FSTL5: variants seen among roughly 807,000 people sequenced by gnomAD.
FSTL5 encodes the protein follistatin-related protein 5.
A neutral mutation model predicts 89.1 loss-of-function variants in FSTL5; 62 were observed. The observed-to-expected ratio is 0.70, with a 90% CI of 0.57 to 0.86. The LOEUF (loss-of-function observed/expected upper bound fraction) is 0.86. Among genes scored for constraint, FSTL5 ranks in the 40% least tolerant of loss-of-function variants. The pLI, the probability that FSTL5 is intolerant of heterozygous loss-of-function variation, is 0.00. For synonymous variants in FSTL5, 383 were observed against 346.2 expected, an observed-to-expected ratio of 1.11 and a Z score of -1.18; for missense variants, 1,057 against 1,001.6, an observed-to-expected ratio of 1.06 and a Z score of -0.75.
intron 4 of FSTL5, among the ~76,000 whole-genome samples, chr4:161,846,783 T>C (rs986217138): frequency 6.6e-6 from 1 of 152,162 alleles, no homozygotes; most frequent in African/African-American, 2.4e-5. Context: ...TATTATCTGC[T>C]CCAGGACCAT....
At chr4:161,935,362 C>A (rs149468747) in intron 3 of FSTL5, among the ~76,000 whole-genome samples, 1 of 152,208 alleles carries the variant, frequency 6.6e-6, no homozygotes, top group East Asian at 1.9e-4. Context: ...TGCCTTTCCT[C>A]AACAATGGGT....
chr4:161,904,534 G>C (rs953873488), intron 4 of FSTL5, among the ~76,000 whole-genome samples: 1 of 151,734 alleles, frequency 6.6e-6, no homozygotes, highest in African/African-American at 2.4e-5. Flanking sequence ...AACCACACTG[G>C]AAGTGTACAA....
At chr4:161,463,862 A>G (rs1016368134) in intron 13 of FSTL5, among the ~76,000 whole-genome samples, 3 of 152,170 alleles carry the variant, frequency 2.0e-5, no homozygotes, top group African/African-American at 7.2e-5. Context: ...AATTGAATCT[A>G]CCTTCTAAAT....
intron 15 of FSTL5, among the ~76,000 whole-genome samples, chr4:161,452,580 C>T (rs1233280253): frequency 1.3e-5 from 2 of 151,980 alleles, no homozygotes; most frequent in East Asian, 1.9e-4. Flanking sequence ...GTTAAAACTA[C>T]CTTACATAGT....
At chr4:161,688,187 A>G (rs1579022233) in intron 6 of FSTL5, among the ~76,000 whole-genome samples, 3 of 152,116 alleles carry the variant, frequency 2.0e-5, no homozygotes, top group Non-Finnish European at 4.4e-5. Context: ...TGCTCAAGTG[A>G]TCCTGCCACC....
At chr4:161,595,558 C>T (rs1345723160) in intron 7 of FSTL5, among the ~76,000 whole-genome samples, 1 of 152,018 alleles carries the variant, frequency 6.6e-6, no homozygotes, top group African/African-American at 2.4e-5. Flanking sequence ...GAAGAAAGAA[C>T]ATCTGTAGCA....
chr4:161,969,808 T>A (rs1303018295), intron 3 of FSTL5, among the ~76,000 whole-genome samples: 3 of 151,924 alleles, frequency 2.0e-5, no homozygotes, highest in Non-Finnish European at 4.4e-5. Context: ...CCCCAATCTT[T>A]AAAAAAATGA....
At chr4:161,658,476 G>A (rs999464923) in intron 6 of FSTL5, among the ~76,000 whole-genome samples, 45 of 151,612 alleles carry the variant, frequency 3.0e-4, no homozygotes, top group Non-Finnish European at 5.2e-4. Context: ...AAAAAATAGG[G>A]AATATTTTCG....
chr4:161,921,124 GTTAGCT>G (rs1733983258), intron 3 of FSTL5, among the ~76,000 whole-genome samples: 1 of 152,156 alleles, frequency 6.6e-6, no homozygotes, highest in Admixed American at 6.6e-5. Context: ...TTCCATAAAT[GTTAGCT>G]TTTACAGTAA....
chr4:162,009,979 TAA>T (rs200387858), intron 3 of FSTL5, among the ~76,000 whole-genome samples: 46 of 142,918 alleles, frequency 3.2e-4, no homozygotes, highest in Non-Finnish European at 2.9e-4. Context: ...GTTTGTTTTG[TAA>T]AAAAAAAAAA....
chr4:161,680,770 G>A (rs988249004), intron 6 of FSTL5, among the ~76,000 whole-genome samples: 1 of 151,778 alleles, frequency 6.6e-6, no homozygotes, highest in Non-Finnish European at 1.5e-5. Flanking sequence ...CATTTGTCAA[G>A]TAACAAATTT....
rs71598742 is a variant in FSTL5 at position 162,112,775 on chromosome 4, TCACACACACA to T, written c.-16-1373_-16-1364del. Among the ~76,000 whole-genome samples, 171 of 139,424 alleles carry T rather than the reference TCACACACACA, an allele frequency of 1.2e-3. 1 individual carries two copies. The highest frequency in any genetic ancestry group is 3.5e-3 in the African/African-American group (133 of 37,934). The allele number at this position is 139,424 out of a possible 152,430, so 91.5% of individuals were successfully genotyped here. On this transcript the variant is annotated intron_variant, in intron 1 of 15. Transcript: ENST00000306100. ...GCTTTCTCAAAGCTAACCGACACAATCACACACACACACACACACACACACACACACACAC... is the reference window on the plus strand; with the variant it reads ...GCTTTCTCAAAGCTAACCGACACAATCACACACACACACACACACACACAC...
intron 13 of FSTL5, among the ~76,000 whole-genome samples, chr4:161,480,606 T>C (rs1729468120): frequency 6.6e-6 from 1 of 152,236 alleles, no homozygotes. Flanking sequence ...TGTCATCTAG[T>C]GAAGCCTACA....
intron 12 of FSTL5, among the ~76,000 whole-genome samples, chr4:161,486,932 G>T (rs1433334084): frequency 6.6e-6 from 1 of 152,062 alleles, no homozygotes; most frequent in East Asian, 1.9e-4. Context: ...TTCATGAAAA[G>T]AAAAGATTTT....
At position 161,385,452 on chromosome 4, in the gene FSTL5, G is replaced by GT; in HGVS notation, c.*294dup. On this transcript the variant is annotated 3_prime_UTR_variant, in exon 16 of 16. Coordinates refer to ENST00000306100, the MANE Select transcript of FSTL5 (RefSeq NM_020116.5). ...GTCATCTGAAATTCCCTGCAGTTTA[G>GT]TTTTTTAAATGATTTAAATCCTACT... is the stretch of plus-strand genomic sequence containing the variant. 3.8e-6 allele frequency: 1 copy of GT among 266,576 alleles called. No homozygotes were observed. Among genetic ancestry groups the GT allele is most frequent in the East Asian group, 7.4e-5 (1 of 13,492 alleles). 16.5% of individuals were successfully genotyped at this position (266,576 alleles called of 1,614,324 possible).
At chr4:162,098,480 A>T (rs912873100) in intron 2 of FSTL5, among the ~76,000 whole-genome samples, 1 of 152,042 alleles carries the variant, frequency 6.6e-6, no homozygotes, top group African/African-American at 2.4e-5. Flanking sequence ...CCATTGTATA[A>T]AAAATATTGG....
chr4:161,466,055 A>T (rs911259776), intron 13 of FSTL5, among the ~76,000 whole-genome samples: 2 of 152,166 alleles, frequency 1.3e-5, no homozygotes, highest in Non-Finnish European at 2.9e-5. Context: ...TGAACTTTTT[A>T]CCCTATTGCT....
intron 4 of FSTL5, among the ~76,000 whole-genome samples, chr4:161,884,009 A>G (rs1041659695): frequency 2.6e-5 from 4 of 151,880 alleles, no homozygotes; most frequent in Non-Finnish European, 4.4e-5. Flanking sequence ...AATTTTATAC[A>G]TTCTTTTGAA....
chr4:162,103,626 T>C (rs1236506143), intron 2 of FSTL5, among the ~76,000 whole-genome samples: 2 of 152,214 alleles, frequency 1.3e-5, no homozygotes, highest in East Asian at 3.9e-4. Context: ...AGCAAAAGGC[T>C]AGTGTATTCA....
Sources: allele counts gnomAD v4.1 joint callset (sites outside exome capture counted in the v4.1 genomes callset), GRCh38; gene constraint gnomAD v4.1.1; transcripts MANE v1.5; gene names NCBI Gene and HGNC (gene_info 2026-07-23, HGNC 2026-07-21).